ST3GAL2: variants seen among roughly 807,000 people sequenced by gnomAD.
The protein encoded by ST3GAL2 is ST3 beta-galactoside alpha-2,3-sialyltransferase 2, also known as CMP-N-acetylneuraminate-beta-galactosamide-alpha-2,3-sialyltransferase 2.
A neutral mutation model predicts 37.5 loss-of-function variants in ST3GAL2; 16 were observed. The ratio of observed to expected loss-of-function variants is 0.43; its 90% confidence interval spans 0.29 to 0.65. ST3GAL2 has a LOEUF of 0.65. ST3GAL2 is among the 30% of genes least tolerant of loss of function. ST3GAL2 has a pLI of 0.17. For synonymous variants in ST3GAL2, 238 were observed against 202.9 expected (o/e 1.17, Z -1.47); for missense variants, 383 against 487.8 (o/e 0.79, Z 2.02).
intron 1 of ST3GAL2, among the ~76,000 whole-genome samples, chr16:70,423,235 G>A (rs982333169): frequency 7.2e-5 from 11 of 152,158 alleles, no homozygotes; most frequent in Non-Finnish European, 8.8e-5. Flanking sequence ...TAGGCTGGGC[G>A]CGGTGGCTCA....
At position 70,429,588 on chromosome 16, in the gene ST3GAL2, CAAAA is replaced by C. The variant is rs1173306093; in HGVS notation, c.-1004+9357_-1004+9360del. 4.9e-3 allele frequency among the ~76,000 whole-genome samples: 178 copies of C among 36,054 alleles called. 3 individuals are homozygous for C. The highest frequency in any genetic ancestry group is 0.016 in the African/African-American group (170 of 10,400). The allele number at this position is 36,054 out of a possible 152,430, so 23.7% of individuals were successfully genotyped here. On this transcript the variant is annotated intron_variant, in intron 1 of 6. Transcript: ENST00000342907. Reference sequence around the variant, plus strand: ...TGGGCAACAGAGCAAGACTCTGTCTCAAAAAAAAAAAAAAAAAAAAGAGTGAATC... The same window carrying C: ...TGGGCAACAGAGCAAGACTCTGTCTCAAAAAAAAAAAAAAAAGAGTGAATC...
intron 1 of ST3GAL2, among the ~76,000 whole-genome samples, chr16:70,421,000 C>T (rs745423379): frequency 1.3e-5 from 2 of 152,342 alleles, no homozygotes; most frequent in African/African-American, 4.8e-5. Flanking sequence ...TGTGAGCCCA[C>T]GGCCAGCCTG....
intron 4 of ST3GAL2, among the ~76,000 whole-genome samples, chr16:70,387,964 T>C (rs2047453994): frequency 1.3e-5 from 2 of 151,762 alleles, no homozygotes; most frequent in Admixed American, 6.6e-5. Flanking sequence ...AATACAAAAT[T>C]AGCCGGGCGT....
At chr16:70,435,913 G>A (rs11865484) in intron 1 of ST3GAL2, among the ~76,000 whole-genome samples, 12,168 of 151,304 alleles carry the variant, frequency 0.08, 1,609 homozygotes, top group African/African-American at 0.28. Flanking sequence ...AGCACCTGAG[G>A]TCAGGAGTTC....
chr16:70,401,709 G>A (rs957131755), intron 1 of ST3GAL2, among the ~76,000 whole-genome samples: 4 of 152,076 alleles, frequency 2.6e-5, no homozygotes, highest in East Asian at 1.9e-4. Context: ...AGAGCTCGGA[G>A]GAGGCAGGCC....
intron 1 of ST3GAL2, among the ~76,000 whole-genome samples, chr16:70,403,329 G>A (rs2047568423): frequency 6.6e-6 from 1 of 152,204 alleles, no homozygotes; most frequent in Non-Finnish European, 1.5e-5. Flanking sequence ...TCACTATACA[G>A]AAAAGACAGA....
intron 3 of ST3GAL2, among the ~76,000 whole-genome samples, chr16:70,389,248 TAC>T: frequency 1.1e-5 from 1 of 89,788 alleles, no homozygotes; most frequent in Non-Finnish European, 2.4e-5. Context: ...AAAAAAAGGT[TAC>T]TAACATTGGG....
intron 2 of ST3GAL2, among the ~76,000 whole-genome samples, chr16:70,395,806 A>G (rs996630624): frequency 6.6e-6 from 1 of 152,340 alleles, no homozygotes; most frequent in African/African-American, 2.4e-5. Flanking sequence ...CAGGAGTGAC[A>G]TGGCAGGTAA....
intron 1 of ST3GAL2, among the ~76,000 whole-genome samples, chr16:70,422,043 G>A (rs1018653155): frequency 1.3e-5 from 2 of 152,126 alleles, no homozygotes; most frequent in African/African-American, 4.8e-5. Context: ...TGGAATTACG[G>A]GCCTGAGCCA....
chr16:70,417,681 A>T (rs1325221577), intron 1 of ST3GAL2, among the ~76,000 whole-genome samples: 1 of 152,198 alleles, frequency 6.6e-6, no homozygotes, highest in Non-Finnish European at 1.5e-5. Flanking sequence ...GCAGACCCTG[A>T]AGGTAGGAGA....
chr16:70,410,901 C>T (rs1276614490), intron 1 of ST3GAL2, among the ~76,000 whole-genome samples: 1 of 147,828 alleles, frequency 6.8e-6, no homozygotes. Context: ...CGCTTGCCAA[C>T]AGAATCCTGA....
At chr16:70,394,506 T>C (rs1309670890) in intron 3 of ST3GAL2, among the ~76,000 whole-genome samples, 1 of 152,138 alleles carries the variant, frequency 6.6e-6, no homozygotes, top group East Asian at 1.9e-4. Context: ...GCCACCCCAG[T>C]AGCTGGAAAT....
chr16:70,398,150 A>T lies in ST3GAL2; in HGVS notation c.339+42T>A, dbSNP rs1597562221. On this transcript the variant is annotated intron_variant, in intron 2 of 6. Coordinates refer to ENST00000342907, the MANE Select transcript of ST3GAL2 (RefSeq NM_006927.4). ...CAAGAGGGGGCTCTGAGTGGCTCTA[A>T]AACTGGGGGACAGATCCCTGGAAGG... The T allele has an allele frequency of 1.9e-6, 3 of 1,590,234 alleles. No individual in the cohort carries two copies. The East Asian group carries it at 6.7e-5, about 36-fold the overall frequency.
chr16:70,397,203 G>C (rs2047523106), intron 2 of ST3GAL2, among the ~76,000 whole-genome samples: 1 of 151,272 alleles, frequency 6.6e-6, no homozygotes, highest in South Asian at 2.1e-4. Flanking sequence ...ACCATGCCTG[G>C]CTAATTTTTT....
At position 70,391,097 on chromosome 16, in the gene ST3GAL2, G is replaced by A. The variant is rs184082582; in HGVS notation, c.534-2551C>T. ...AGAGTGGCTGGCACCAGCTAGCTGG[G>A]CTGGGTGAGGACTTGCTGTGTTCCA... On this transcript the variant is annotated intron_variant, in intron 3 of 6. Coordinates refer to ENST00000342907, the MANE Select transcript of ST3GAL2 (RefSeq NM_006927.4). Among the ~76,000 whole-genome samples the A allele has an allele frequency of 5.9e-5, 9 of 152,316 alleles. No homozygotes were observed. The East Asian group carries it at 1.5e-3, about 26-fold the overall frequency.
At position 70,381,398 on chromosome 16, in the gene ST3GAL2, G is replaced by A; in HGVS notation, c.*291C>T. ...ACCCTAACCCAAAGCATGAGGGAGT[G>A]GGGATTGAGCGGCCGCTGGCCCGCC... On this transcript the variant is annotated 3_prime_UTR_variant, in exon 7 of 7. Coordinates refer to ENST00000342907, the MANE Select transcript of ST3GAL2 (RefSeq NM_006927.4). 2.4e-6 allele frequency: 1 copy of A among 409,422 alleles called. No individual in the cohort carries two copies. Among genetic ancestry groups the A allele is most frequent in the Non-Finnish European group, 4.5e-6 (1 of 224,414 alleles). The allele number at this position is 409,422 out of a possible 1,614,324, so 25.4% of individuals were successfully genotyped here. A position where few individuals can be genotyped will look rare whatever the true frequency, so the allele number is the denominator to read the frequency against.
chr16:70,426,280 G>C (rs1485929012), intron 1 of ST3GAL2, among the ~76,000 whole-genome samples: 4 of 129,452 alleles, frequency 3.1e-5, no homozygotes, highest in African/African-American at 1.1e-4. Context: ...TGCAACCTCC[G>C]CCTCCCAGGT....
chr16:70,376,406 G>A lies in ST3GAL2; in HGVS notation c.*5283C>T, dbSNP rs935139150. 1.3e-5 allele frequency: 2 copies of A among 152,180 alleles called. No homozygotes were observed. Among genetic ancestry groups the A allele is most frequent in the East Asian group, 3.9e-4 (2 of 5,192 alleles). 9.4% of individuals were successfully genotyped at this position (152,180 alleles called of 1,614,324 possible). On this transcript the variant is annotated 3_prime_UTR_variant, in exon 7 of 7. Transcript: ENST00000342907. ...TGCCAGAGAGTCTGTGCTGTTCTCA[G>A]CAGCACAAACAGTTGCTAGAGGAAA...
chr16:70,385,667 C>T (rs2047437311), intron 4 of ST3GAL2, among the ~76,000 whole-genome samples: 1 of 148,156 alleles, frequency 6.7e-6, no homozygotes, highest in Non-Finnish European at 1.5e-5. Context: ...ATTAAAGACC[C>T]TTAGAACATG....
Sources: gnomAD v4.1 joint callset for allele counts (sites outside exome capture counted in the v4.1 genomes callset) on GRCh38, gnomAD v4.1.1 for gene constraint, MANE v1.5 for transcripts, NCBI Gene and HGNC (gene_info 2026-07-23, HGNC 2026-07-21) for gene names.